Variants in OPLAH observed in about 807,000 individuals in gnomAD.
OPLAH encodes the protein 5-oxoprolinase, ATP-hydrolysing.
Under a neutral mutation model 122.8 loss-of-function variants are expected in OPLAH, and 103 were observed. That is an observed-to-expected ratio of 0.84 (90% confidence interval 0.71 to 0.99). OPLAH has a LOEUF of 0.99. OPLAH is among the 50% of genes least tolerant of loss of function. OPLAH has a pLI of 0.00. For synonymous variants in OPLAH, 875 were observed against 796.0 expected (o/e 1.10, Z -1.67); for missense variants, 1,902 against 1,836.5 (o/e 1.04, Z -0.65).
intron 9 of OPLAH, 25 bp from the exon 10 acceptor site, chr8:144,057,738 C>A: frequency 6.2e-7 from 1 of 1,610,340 alleles, no homozygotes; most frequent in African/African-American, 1.3e-5. Context: ...GGGTGTGGGG[C>A]TTGGGGGCTG....
chr8:144,059,740 G>A lies in OPLAH; in HGVS notation c.222C>T (p.Ile74=), dbSNP rs6558292. The A allele has an allele frequency of 0.07, 113,145 of 1,610,308 alleles. 4,401 individuals carry two copies. Among genetic ancestry groups the A allele is most frequent in the African/African-American group, 0.13 (9,836 of 75,040 alleles). Residue 74 remains isoleucine, a synonymous_variant, in exon 3 of 27, where the codon ATC becomes ATT. Transcript: ENST00000618853. ...PRDQPLDSSH[I]ASIRMGTTVA... Reference sequence around the variant, plus strand: ...CTGTGGTGCCCATGCGGATGCTGGCGATATGACTGGAGTCCAGCGGCTGGT... The same window carrying A: ...CTGTGGTGCCCATGCGGATGCTGGCAATATGACTGGAGTCCAGCGGCTGGT...
chr8:144,057,973 G>C (rs782742516), intron 8 of OPLAH, 37 bp downstream of exon 8: 1 of 1,612,122 alleles, frequency 6.2e-7, no homozygotes, highest in South Asian at 1.1e-5. Flanking sequence ...GAGGGAGACA[G>C]GGCTGGGGTC....
chr8:144,054,509 T>C, intron 19 of OPLAH, 52 bp downstream of exon 19: 1 of 1,507,130 alleles, frequency 6.6e-7, no homozygotes, highest in Non-Finnish European at 8.9e-7. Flanking sequence ...TTGCCAGCAG[T>C]GGCCATGTGT....
Position 144,058,166 on chromosome 8 carries a change from C to T in OPLAH, c.950-18G>A, listed in dbSNP as rs1184988294. The T allele has an allele frequency of 3.1e-6, 5 of 1,611,416 alleles. No individual in the cohort carries two copies. Among genetic ancestry groups the T allele is most frequent in the Non-Finnish European group, 3.4e-6 (4 of 1,179,276 alleles). ...GGACGTGCCTGGCAGGGGTGGGGTG[C>T]TGGTGGGTCACTTGAAGACCCAGGG... is the stretch of plus-strand genomic sequence containing the variant. On this transcript the variant is annotated intron_variant, in intron 7 of 26. Coordinates refer to ENST00000618853, the MANE Select transcript of OPLAH (RefSeq NM_017570.5).
chr8:144,054,609 CG>C lies in OPLAH; in HGVS notation c.2637del (p.Val880SerfsTer18), dbSNP rs782256222. ...PHSTMLQQEG[A>X]VFLSFKLVQG... The stretch of plus-strand genomic sequence containing the variant: ...TGGACAAGTTTGAAGGACAGAAAGA[CG>C]GCACCCTCCTGTTGCAGCATGGTGG... On this transcript the variant is annotated frameshift_variant, in exon 19 of 27. Coordinates refer to ENST00000618853, the MANE Select transcript of OPLAH (RefSeq NM_017570.5). LOFTEE classifies it high-confidence loss of function. 1.2e-6 allele frequency: 2 copies of C among 1,606,540 alleles called. No homozygotes were observed. Among genetic ancestry groups the C allele is most frequent in the African/African-American group, 2.7e-5 (2 of 74,956 alleles).
Position 144,058,839 on chromosome 8 carries a change from C to T in OPLAH, c.521G>A (p.Gly174Glu), listed in dbSNP as rs782636639. Residue 174 changes from glycine to glutamate, a missense_variant, in exon 5 of 27, where the codon GGG (glycine) becomes GAG (glutamate). By Grantham distance (98) the Gly-to-Glu change is moderately conservative (BLOSUM62 -2). Coordinates refer to ENST00000618853, the MANE Select transcript of OPLAH (RefSeq NM_017570.5). Reference sequence around the variant, plus strand: ...TCGAGATAGCAGCCCCTCCAGCTTCCCACGCAGGGCCCCCAGGTCCACAGG... The same window carrying T: ...TCGAGATAGCAGCCCCTCCAGCTTCTCACGCAGGGCCCCCAGGTCCACAGG... ...QQPVDLGALR[G>E]KLEGLLSRGI... 1 of 1,581,960 alleles carries T rather than the reference C, an allele frequency of 6.3e-7. No homozygotes were observed. The highest frequency in any genetic ancestry group is 2.3e-5 in the East Asian group (1 of 42,570).
At position 144,059,907 on chromosome 8, in the gene OPLAH, G is replaced by C. The variant is rs377177715; in HGVS notation, c.126C>G (p.Asn42Lys). Residue 42 changes from asparagine (N) to lysine (K), a missense_variant, in exon 2 of 27, where the codon AAC (asparagine) becomes AAG (lysine). By Grantham distance (94) the Asn-to-Lys change is moderately conservative. Coordinates refer to ENST00000618853, the MANE Select transcript of OPLAH (RefSeq NM_017570.5). The part of the protein sequence containing the change: ...VLKLLSEDPA[N>K]YADAPTEGIR... ...TGCCTTCGGTTGGCGCGTCCGCATAGTTGGCAGGGTCCTCTGAGAGCAGTT... is the reference window on the plus strand; with the variant it reads ...TGCCTTCGGTTGGCGCGTCCGCATACTTGGCAGGGTCCTCTGAGAGCAGTT... 2.7e-5 allele frequency: 43 copies of C among 1,612,710 alleles called. No individual in the cohort carries two copies. Among genetic ancestry groups the C allele is most frequent in the African/African-American group, 1.7e-4 (13 of 74,954 alleles).
chr8:144,056,960 TG>T lies in OPLAH; in HGVS notation c.1693del (p.Gln565ArgfsTer25). On this transcript the variant is annotated frameshift_variant, in exon 12 of 27. Coordinates refer to ENST00000618853, the MANE Select transcript of OPLAH (RefSeq NM_017570.5). LOFTEE classifies it high-confidence loss of function. ...EEQCVDALQAQGFPRSQISTE... is the reference protein window; with the variant it reads ...EEQCVDALQAXGFPRSQISTE... ...CCTGGGAGCCCACCTGGGGAAGCCCTGGGCCTGCAGAGCATCCACACACTGC... is the reference window on the plus strand; with the variant it reads ...CCTGGGAGCCCACCTGGGGAAGCCCTGGCCTGCAGAGCATCCACACACTGC... 1 of 1,578,542 alleles carries T rather than the reference TG, an allele frequency of 6.3e-7. No homozygotes were observed. The highest frequency in any genetic ancestry group is 8.6e-7 in the Non-Finnish European group (1 of 1,165,144).
chr8:144,051,588 G>A, intron 26 of OPLAH, 116 bp from the exon 27 acceptor site: 1 of 1,175,134 alleles, frequency 8.5e-7, no homozygotes. Context: ...CATGGACCAC[G>A]GAGGCCCGGT....
Position 144,054,740 on chromosome 8 carries a change from C to T in OPLAH, c.2512-5G>A, listed in dbSNP as rs368798472. 46 of 1,611,982 alleles carry T rather than the reference C, an allele frequency of 2.9e-5. No homozygotes were observed. Among genetic ancestry groups the T allele is most frequent in the African/African-American group, 2.7e-5 (2 of 74,858 alleles). On this transcript the variant is annotated splice_polypyrimidine_tract_variant and splice_region_variant and intron_variant, in intron 18 of 26. Transcript: ENST00000618853. ...CGTCTGACCCGGCCAAAACACCTAG[C>T]GGGTGGAGAGCCACGGTCAGCTGCA...
At position 144,056,464 on chromosome 8, in the gene OPLAH, C is replaced by A; in HGVS notation, c.1904G>T (p.Arg635Leu). Residue 635 changes from arginine (R) to leucine (L), a missense_variant, in exon 14 of 27, where the codon CGA (arginine) becomes CTA (leucine). Arg to Leu is a moderately radical substitution (Grantham distance 102). Transcript: ENST00000618853. Reference protein sequence around the residue: ...PERPVVVDDVRVRGTGRSGLR... With the variant: ...PERPVVVDDVLVRGTGRSGLR... ...ACCACTGCGGCCGGTGCCCCGCACT[C>A]GCACATCGTCCACGACCACCGGCCG... The A allele has an allele frequency of 2.5e-6, 4 of 1,611,414 alleles. No individual in the cohort carries two copies. Among genetic ancestry groups the A allele is most frequent in the Non-Finnish European group, 3.4e-6 (4 of 1,179,402 alleles).
At chr8:144,051,592 G>C in intron 26 of OPLAH, 120 bp from the exon 27 acceptor site, 1 of 1,156,604 alleles carries the variant, frequency 8.6e-7, no homozygotes, top group Non-Finnish European at 1.2e-6. Context: ...GACCACGGAG[G>C]CCCGGTACGC....
At position 144,055,267 on chromosome 8, in the gene OPLAH, A is replaced by G. The variant is rs1835484881; in HGVS notation, c.2249-78T>C. The G allele has an allele frequency of 1.4e-6, 2 of 1,405,588 alleles. No individual in the cohort carries two copies. 87.1% of individuals were successfully genotyped at this position (1,405,588 alleles called of 1,614,324 possible). On this transcript the variant is annotated intron_variant, in intron 16 of 26. Transcript: ENST00000618853. The surrounding 1 kb of genome is among the most constrained non-coding windows in gnomAD (Gnocchi z 6.5). Reference sequence around the variant, plus strand: ...CCCAGGAAAGGGAGGAACAGGACCCACCAGGACTCAAACCCAGGACCCAGG... The same window carrying G: ...CCCAGGAAAGGGAGGAACAGGACCCGCCAGGACTCAAACCCAGGACCCAGG...
At position 144,057,636 on chromosome 8, in the gene OPLAH, G is replaced by A. The variant is rs1835557143; in HGVS notation, c.1234C>T (p.Pro412Ser). The A allele has an allele frequency of 6.2e-7, 1 of 1,602,706 alleles. No individual in the cohort carries two copies. Among genetic ancestry groups the A allele is most frequent in the Non-Finnish European group, 8.5e-7 (1 of 1,174,264 alleles). Residue 412 changes from proline to serine, a missense_variant, in exon 10 of 27, where the codon CCG becomes TCG. Coordinates refer to ENST00000618853, the MANE Select transcript of OPLAH (RefSeq NM_017570.5). ...GGGGAAAGTGGTTGGTTCTCTCCCG[G>A]CCCAAAAATGCAGGGGAAGGAGGCA... Reference protein sequence around the residue: ...LPASFPCIFGPGENQPLSPEA... With the variant: ...LPASFPCIFGSGENQPLSPEA...
chr8:144,052,393 T>C (rs1554757896), intron 23 of OPLAH, 56 bp downstream of exon 23: 5 of 1,519,488 alleles, frequency 3.3e-6, no homozygotes, highest in African/African-American at 1.4e-5. Flanking sequence ...CTCCCGCTCC[T>C]ACTCCAGCCT....
In OPLAH at chr8:144,056,996, C is replaced by A. The variant is rs530154461; in HGVS notation, c.1658G>T (p.Arg553Leu). The A allele has an allele frequency of 1.3e-6, 2 of 1,589,894 alleles. No individual in the cohort carries two copies. Among genetic ancestry groups the A allele is most frequent in the East Asian group, 4.6e-5 (2 of 43,698 alleles). The part of the protein sequence containing the change: ...TFVQLDQRLS[R>L]LEEQCVDALQ... ...AGCATCCACACACTGCTCCTCCAGG[C>A]GGCTCAGCCTCTGGTCCAGCTGCAC... The change falls in exon 12 of 27, where the codon CGC becomes CTC. Residue 553 changes from arginine to leucine, a missense_variant. This residue lies in a region of OPLAH where 1,726 missense variants were observed against 1,642.1 expected (regional missense o/e 1.05). Transcript: ENST00000618853.
chr8:144,052,768 G>A lies in OPLAH; in HGVS notation c.3151C>T (p.Gln1051Ter). 1.3e-6 allele frequency: 2 copies of A among 1,566,760 alleles called. No homozygotes were observed. Among genetic ancestry groups the A allele is most frequent in the Non-Finnish European group, 8.6e-7 (1 of 1,157,054 alleles). Residue 1051 changes from glutamine (Q) to a stop codon, truncating the protein, a stop_gained and splice_region_variant, in exon 22 of 27, where the codon CAG becomes TAG. Coordinates refer to ENST00000618853, the MANE Select transcript of OPLAH (RefSeq NM_017570.5). LOFTEE classifies it high-confidence loss of function. Reference sequence around the variant, plus strand: ...CTCGCGCACACACCCCTGCGAACCTGGTTGAGTGGGATGTCGCGGCCCACC... The same window carrying A: ...CTCGCGCACACACCCCTGCGAACCTAGTTGAGTGGGATGTCGCGGCCCACC... ...CLVGRDIPLN[Q>*]GCLAPVRVVI... is the part of the protein sequence containing the mutation.
intron 26 of OPLAH, 124 bp from the exon 27 acceptor site, chr8:144,051,596 G>C (rs900341992): frequency 4.3e-6 from 5 of 1,161,320 alleles, no homozygotes; most frequent in Non-Finnish European, 3.6e-6. Context: ...ACGGAGGCCC[G>C]GTACGCGCCC....
intron 12 of OPLAH, 50 bp from the exon 13 acceptor site, chr8:144,056,805 C>T: frequency 6.4e-7 from 1 of 1,555,048 alleles, no homozygotes; most frequent in Non-Finnish European, 8.7e-7. Flanking sequence ...GCCCTGACCC[C>T]ACCCCACCCA....
Sources: gnomAD v4.1 joint callset for allele counts on GRCh38, gnomAD v4.1.1 for gene constraint, gnomAD v4.1.1 regional missense constraint, Gnocchi (gnomAD v3.1) non-coding constraint, MANE v1.5 for transcripts, NCBI Gene and HGNC (gene_info 2026-07-23, HGNC 2026-07-21) for gene names.